LINGO2: variants seen among roughly 807,000 people sequenced by gnomAD.
LINGO2 encodes the protein leucine-rich repeat and immunoglobulin-like domain-containing nogo receptor-interacting protein 2.
Under a neutral mutation model 30.6 loss-of-function variants are expected in LINGO2, and 14 were observed. The observed-to-expected ratio is 0.46, with a 90% confidence interval of 0.30 to 0.72. The LOEUF (loss-of-function observed/expected upper bound fraction) is 0.72. Ranked by LOEUF, LINGO2 falls within the 30% of genes least tolerant of loss-of-function variation. The pLI is 0.07. For synonymous variants in LINGO2, 317 were observed against 288.5 expected (o/e 1.10, Z -1.00); for missense variants, 729 against 751.7 (o/e 0.97, Z 0.35).
At chr9:29,154,284 A>T in the LINGO2 span, among the ~76,000 whole-genome samples, 1 of 139,566 alleles carries the variant, frequency 7.2e-6, no homozygotes, top group East Asian at 2.5e-4. Context: ...CGTCTCTACT[A>T]AAAATACAAA....
rs114523061 is a variant in LINGO2 at position 28,054,170 on chromosome 9, T to C, written c.-86-41765A>G. On this transcript the variant is annotated intron_variant, in intron 4 of 5. Transcript: ENST00000379992. ...TATTGGGACCTTAGCCTGTTGTACA[T>C]TTATTATAAGGCATTAGGAGAAATC... Among the ~76,000 whole-genome samples the C allele has an allele frequency of 3.0e-3, 463 of 152,184 alleles. 4 individuals are homozygous for C. The highest frequency in any genetic ancestry group is 0.011 in the African/African-American group (440 of 41,534).
chr9:28,681,110 T>G, the LINGO2 span, among the ~76,000 whole-genome samples: 1 of 151,974 alleles, frequency 6.6e-6, no homozygotes, highest in Non-Finnish European at 1.5e-5. Flanking sequence ...TTTAAGTTGA[T>G]TTTTGTATAT....
At chr9:29,190,681 A>C in the LINGO2 span, among the ~76,000 whole-genome samples, 10 of 152,196 alleles carry the variant, frequency 6.6e-5, no homozygotes, top group African/African-American at 2.2e-4. Context: ...GAAAGCAACC[A>C]ATAAGGACAC....
chr9:29,110,033 CT>C, the LINGO2 span, among the ~76,000 whole-genome samples: 1 of 152,136 alleles, frequency 6.6e-6, no homozygotes, highest in Non-Finnish European at 1.5e-5. Flanking sequence ...ATCAGATACC[CT>C]ACCCAGGAAA....
chr9:28,627,366 C>T (rs1826727626), intron 1 of LINGO2, among the ~76,000 whole-genome samples: 1 of 152,020 alleles, frequency 6.6e-6, no homozygotes, highest in Non-Finnish European at 1.5e-5. Flanking sequence ...TACTTTCTGG[C>T]AACAAAGTCC....
At chr9:28,365,832 G>T (rs146605222) in intron 3 of LINGO2, among the ~76,000 whole-genome samples, 258 of 143,494 alleles carry the variant, frequency 1.8e-3, no homozygotes, top group African/African-American at 6.4e-3. Context: ...AATCCACTTT[G>T]AGACTACTCT....
intron 3 of LINGO2, among the ~76,000 whole-genome samples, chr9:28,308,274 C>T (rs1431931564): frequency 7.7e-6 from 1 of 129,854 alleles, no homozygotes. Flanking sequence ...AGAAATAATG[C>T]CGCATATCCA....
the LINGO2 span, among the ~76,000 whole-genome samples, chr9:28,956,159 C>T: frequency 9.2e-5 from 14 of 152,064 alleles, 1 homozygote; most frequent in East Asian, 2.7e-3. Flanking sequence ...TCATATCAGT[C>T]CACGGCATGA....
At chr9:29,026,861 A>G in the LINGO2 span, among the ~76,000 whole-genome samples, 1 of 152,316 alleles carries the variant, frequency 6.6e-6, no homozygotes, top group South Asian at 2.1e-4. Context: ...TCATTCTATA[A>G]TAAATCAACC....
At chr9:28,296,979 T>C (rs1276601188) in intron 3 of LINGO2, among the ~76,000 whole-genome samples, 4 of 152,196 alleles carry the variant, frequency 2.6e-5, no homozygotes, top group Non-Finnish European at 5.9e-5. Context: ...ACAAACCTGT[T>C]TTCATGAATG....
At chr9:28,820,278 C>A in the LINGO2 span, among the ~76,000 whole-genome samples, 1 of 148,880 alleles carries the variant, frequency 6.7e-6, no homozygotes, top group Non-Finnish European at 1.5e-5. Context: ...AGGAGCAAGA[C>A]TATAGAAGAC....
chr9:28,309,167 G>T (rs1161422600), intron 3 of LINGO2, among the ~76,000 whole-genome samples: 3 of 152,126 alleles, frequency 2.0e-5, no homozygotes, highest in Non-Finnish European at 1.5e-5. Flanking sequence ...CAATAGCAAA[G>T]AGTTGGAAGC....
chr9:28,838,203 G>A, the LINGO2 span, among the ~76,000 whole-genome samples: 5 of 152,078 alleles, frequency 3.3e-5, no homozygotes, highest in East Asian at 7.7e-4. Flanking sequence ...TATTACAATA[G>A]ATAAAATGCA....
intron 1 of LINGO2, among the ~76,000 whole-genome samples, chr9:28,640,877 G>T (rs529012139): frequency 1.3e-5 from 2 of 152,116 alleles, no homozygotes; most frequent in Admixed American, 6.5e-5. Context: ...GAGGAGCTAC[G>T]TTCCTTTAGA....
At chr9:28,195,990 A>G (rs1819996515) in intron 4 of LINGO2, among the ~76,000 whole-genome samples, 1 of 151,628 alleles carries the variant, frequency 6.6e-6, no homozygotes, top group Non-Finnish European at 1.5e-5. Context: ...GCTTTAACAT[A>G]AATAAATATA....
the LINGO2 span, among the ~76,000 whole-genome samples, chr9:29,193,107 G>A: frequency 1.3e-5 from 2 of 152,058 alleles, no homozygotes; most frequent in East Asian, 1.9e-4. Context: ...AATTGGAGGA[G>A]GATATGAAAC....
chr9:28,100,024 C>T (rs1826363886), intron 4 of LINGO2, among the ~76,000 whole-genome samples: 1 of 152,158 alleles, frequency 6.6e-6, no homozygotes, highest in South Asian at 2.1e-4. Flanking sequence ...TGTACTTCTG[C>T]TCTTAGCACA....
chr9:28,348,750 T>A (rs1342120393), intron 3 of LINGO2, among the ~76,000 whole-genome samples: 1 of 151,712 alleles, frequency 6.6e-6, no homozygotes, highest in Non-Finnish European at 1.5e-5. Context: ...AATGTCCCTG[T>A]CTGACAGCTT....
chr9:28,096,954 A>T (rs1826260667), intron 4 of LINGO2, among the ~76,000 whole-genome samples: 1 of 152,174 alleles, frequency 6.6e-6, no homozygotes, highest in Admixed American at 6.6e-5. Context: ...CACATGATAA[A>T]AAGGAACTTA....
Sources: gnomAD v4.1 joint callset for allele counts (sites outside exome capture counted in the v4.1 genomes callset) on GRCh38, gnomAD v4.1.1 for gene constraint, MANE v1.5 for transcripts, NCBI Gene and HGNC (gene_info 2026-07-23, HGNC 2026-07-21) for gene names.